RTN4R: variants seen among roughly 807,000 people sequenced by gnomAD.
RTN4R encodes reticulon 4 receptor.
A neutral mutation model predicts 27.7 loss-of-function variants in RTN4R; 4 were observed. The observed-to-expected ratio is 0.14, with a 90% CI of 0.07 to 0.33. The LOEUF (loss-of-function observed/expected upper bound fraction) is 0.33. Among genes scored for constraint, RTN4R ranks in the 10% least tolerant of loss-of-function variants. RTN4R has a pLI of 1.00. For synonymous variants in RTN4R, 290 were observed against 305.6 expected (o/e 0.95, Z 0.53); for missense variants, 554 against 671.5 (o/e 0.83, Z 1.93).
At chr22:20,247,294 C>T (rs887765) in intron 1 of RTN4R, among the ~76,000 whole-genome samples, 41,310 of 151,910 alleles carry the variant, frequency 0.27, 6,309 homozygotes, top group East Asian at 0.34. Flanking sequence ...CCCCGTCAGG[C>T]GGTCACGTCA....
intron 1 of RTN4R, among the ~76,000 whole-genome samples, chr22:20,258,202 G>A (rs1006950535): frequency 6.3e-4 from 96 of 152,290 alleles, no homozygotes; most frequent in African/African-American, 2.3e-3. Context: ...AGCACCACCC[G>A]GGGCTCTGTT....
At chr22:20,253,935 G>T (rs143901284) in intron 1 of RTN4R, among the ~76,000 whole-genome samples, 1 of 152,136 alleles carries the variant, frequency 6.6e-6, no homozygotes, top group Admixed American at 6.5e-5. Flanking sequence ...AATGAGATTT[G>T]GGAGACAAAT....
Position 20,254,561 on chromosome 22 carries a change from C to T in RTN4R, c.23-11451G>A, listed in dbSNP as rs75920917. Among the ~76,000 whole-genome samples the T allele has an allele frequency of 9.4e-4, 142 of 151,094 alleles. No individual in the cohort carries two copies. The East Asian group carries it at 0.024, about 26-fold the overall frequency. On this transcript the variant is annotated intron_variant, in intron 1 of 1. Transcript: ENST00000043402. ...CTAATTTCAACATGGAATTCTAGAC[C>T]GAAACAATCCAGCTTGAACATACTT...
intron 1 of RTN4R, among the ~76,000 whole-genome samples, chr22:20,258,291 C>T (rs2051223907): frequency 6.6e-6 from 1 of 152,194 alleles, no homozygotes; most frequent in Non-Finnish European, 1.5e-5. Context: ...CCCAGACACA[C>T]TTCCTCTGGG....
chr22:20,241,539 C>T lies in RTN4R; in HGVS notation c.*172G>A. On this transcript the variant is annotated 3_prime_UTR_variant, in exon 2 of 2. Coordinates refer to ENST00000043402, the MANE Select transcript of RTN4R (RefSeq NM_023004.6). ...TCTGGAACAAACGCTGCCGCCGAAC[C>T]CTGTAAACATGATGGGGTGGAGATG... The T allele has an allele frequency of 4.4e-6, 3 of 674,354 alleles. No individual in the cohort carries two copies. The highest frequency in any genetic ancestry group is 5.0e-6 in the Non-Finnish European group (2 of 397,560). The allele number at this position is 674,354 out of a possible 1,614,324, so 41.8% of individuals were successfully genotyped here.
At chr22:20,262,691 A>G (rs568211349) in intron 1 of RTN4R, among the ~76,000 whole-genome samples, 1 of 152,196 alleles carries the variant, frequency 6.6e-6, no homozygotes, top group East Asian at 1.9e-4. Context: ...TCTTGAAGAC[A>G]CTGAGCTGGG....
chr22:20,242,793 C>T lies in RTN4R; in HGVS notation c.340G>A (p.Asp114Asn), dbSNP rs1255321790. The T allele has an allele frequency of 2.5e-6, 4 of 1,612,828 alleles. No homozygotes were observed. The highest frequency in any genetic ancestry group is 1.3e-5 in the African/African-American group (1 of 74,950). Residue 114 changes from aspartate to asparagine, a missense_variant, in exon 2 of 2, where the codon GAT becomes AAT. Around this residue, in one of 2 missense-constraint regions of RTN4R, gnomAD observed 413 missense variants for 542.3 expected, o/e 0.76. Coordinates refer to ENST00000043402, the MANE Select transcript of RTN4R (RefSeq NM_023004.6). The stretch of plus-strand genomic sequence containing the variant: ...TCCACAGACCGGAGCTGTGCATTAT[C>T]GCTGAGGTCCAGCTGCTCCAGGAGG... ...LALLEQLDLS[D>N]NAQLRSVDPA...
At chr22:20,267,541 T>C in intron 1 of RTN4R, 2 of 457,242 alleles carry the variant, frequency 4.4e-6, no homozygotes, top group South Asian at 3.1e-5. Flanking sequence ...GAGGCAGCGC[T>C]GGGACAACCC....
chr22:20,250,208 C>T (rs1019641337), intron 1 of RTN4R, among the ~76,000 whole-genome samples: 8 of 152,238 alleles, frequency 5.3e-5, no homozygotes, highest in African/African-American at 1.9e-4. Flanking sequence ...AGCCGACAGG[C>T]CTTGGCCTCC....
chr22:20,268,182 G>T lies in RTN4R; in HGVS notation c.-90C>A. The T allele has an allele frequency of 1.8e-6, 1 of 560,508 alleles. No individual in the cohort carries two copies. Among genetic ancestry groups the T allele is most frequent in the Non-Finnish European group, 2.4e-6 (1 of 422,574 alleles). 34.7% of individuals were successfully genotyped at this position (560,508 alleles called of 1,614,324 possible). ...GCGGCCGGGTCCGCATCCAGGCGCCGCCGCTACGGCCCGGCCCCGGCCCGG... is the reference window on the plus strand; with the variant it reads ...GCGGCCGGGTCCGCATCCAGGCGCCTCCGCTACGGCCCGGCCCCGGCCCGG... On this transcript the variant is annotated 5_prime_UTR_variant, in exon 1 of 2. Coordinates refer to ENST00000043402, the MANE Select transcript of RTN4R (RefSeq NM_023004.6).
intron 1 of RTN4R, among the ~76,000 whole-genome samples, chr22:20,263,771 C>T (rs940691414): frequency 2.6e-5 from 4 of 152,282 alleles, no homozygotes; most frequent in African/African-American, 9.6e-5. Flanking sequence ...CCTTTCTTCT[C>T]CACCTCCTGG....
intron 1 of RTN4R, among the ~76,000 whole-genome samples, chr22:20,246,261 G>A (rs2051140319): frequency 6.6e-6 from 1 of 152,170 alleles, no homozygotes; most frequent in African/African-American, 2.4e-5. Flanking sequence ...GCCTCTCCCT[G>A]CGGCAGCCAG....
At chr22:20,259,634 T>C (rs1344258930) in intron 1 of RTN4R, among the ~76,000 whole-genome samples, 2 of 152,144 alleles carry the variant, frequency 1.3e-5, no homozygotes, top group African/African-American at 2.4e-5. Context: ...ACCCGGGCAG[T>C]GGCCTGTCCT....
At chr22:20,250,950 G>A (rs1471734947) in intron 1 of RTN4R, among the ~76,000 whole-genome samples, 4 of 152,172 alleles carry the variant, frequency 2.6e-5, no homozygotes, top group Admixed American at 6.5e-5. Context: ...GTCCGGCTTC[G>A]GAGGAAAGGA....
chr22:20,266,378 T>C (rs532447421), intron 1 of RTN4R, among the ~76,000 whole-genome samples: 44 of 152,328 alleles, frequency 2.9e-4, no homozygotes, highest in African/African-American at 1.0e-3. Flanking sequence ...TCATGCAGCA[T>C]GGCATCCATC....
At chr22:20,260,306 G>A (rs1178038879) in intron 1 of RTN4R, among the ~76,000 whole-genome samples, 1 of 152,156 alleles carries the variant, frequency 6.6e-6, no homozygotes, top group Non-Finnish European at 1.5e-5. Flanking sequence ...CCTGGGGCTG[G>A]GCAGGGCGTG....
At chr22:20,267,382 C>T (rs2051284140) in intron 1 of RTN4R, among the ~76,000 whole-genome samples, 1 of 152,224 alleles carries the variant, frequency 6.6e-6, no homozygotes, top group Non-Finnish European at 1.5e-5. Context: ...CGCGGGACCT[C>T]ACAGCCGGTG....
chr22:20,258,423 C>A (rs2051224934), intron 1 of RTN4R, among the ~76,000 whole-genome samples: 1 of 152,240 alleles, frequency 6.6e-6, no homozygotes. Context: ...ATGGGGCCAC[C>A]ATGGGAGCCC....
chr22:20,248,578 TG>T (rs1452942634), intron 1 of RTN4R, among the ~76,000 whole-genome samples: 1 of 152,172 alleles, frequency 6.6e-6, no homozygotes, highest in Non-Finnish European at 1.5e-5. Context: ...TGGCAAGGTG[TG>T]AAGTGGCCCC....
Sources: allele counts gnomAD v4.1 joint callset (sites outside exome capture counted in the v4.1 genomes callset), GRCh38; gene constraint gnomAD v4.1.1; regional missense constraint gnomAD v4.1.1; transcripts MANE v1.5; gene names NCBI Gene and HGNC (gene_info 2026-07-23, HGNC 2026-07-21).